Variants in MAGI3 observed in about 807,000 individuals in gnomAD.
MAGI3 encodes membrane-associated guanylate kinase, WW and PDZ domain-containing protein 3.
MAGI3 carries 43 observed loss-of-function variants against 121.8 expected under a neutral mutation model. The ratio of observed to expected loss-of-function variants is 0.35; its 90% CI spans 0.28 to 0.46. MAGI3 has a LOEUF of 0.46. Among genes scored for constraint, MAGI3 ranks in the 20% least tolerant of loss-of-function variants. MAGI3 has a pLI of 1.00. For synonymous variants in MAGI3, 553 were observed against 639.3 expected (o/e 0.86, Z 2.04); for missense variants, 1,547 against 1,797.3 (o/e 0.86, Z 2.52).
intron 1 of MAGI3, among the ~76,000 whole-genome samples, chr1:113,410,015 G>A (rs1043809854): frequency 6.6e-6 from 1 of 152,128 alleles, no homozygotes; most frequent in Non-Finnish European, 1.5e-5. Context: ...GAAGATGTTA[G>A]TGGTTCCTAG....
At chr1:113,550,144 C>G (rs996118231) in intron 2 of MAGI3, among the ~76,000 whole-genome samples, 4 of 148,682 alleles carry the variant, frequency 2.7e-5, no homozygotes, top group Non-Finnish European at 5.9e-5. Flanking sequence ...GGCGCGGTGG[C>G]TCACACCTGT....
At chr1:113,472,868 C>T (rs1655609296) in intron 1 of MAGI3, among the ~76,000 whole-genome samples, 1 of 152,140 alleles carries the variant, frequency 6.6e-6, no homozygotes, top group Admixed American at 6.5e-5. Context: ...TTGCTCCCAC[C>T]ACATTTTATG....
intron 9 of MAGI3, among the ~76,000 whole-genome samples, chr1:113,636,222 T>A (rs1193370102): frequency 6.6e-6 from 1 of 152,186 alleles, no homozygotes; most frequent in Non-Finnish European, 1.5e-5. Flanking sequence ...TGTGTCTCTA[T>A]TTCCTTCAGT....
At chr1:113,427,878 A>G (rs1653092864) in intron 1 of MAGI3, among the ~76,000 whole-genome samples, 1 of 152,088 alleles carries the variant, frequency 6.6e-6, no homozygotes, top group African/African-American at 2.4e-5. Context: ...AATGAATCAA[A>G]ATTGGCTCAC....
At chr1:113,510,439 A>G (rs1657559259) in intron 1 of MAGI3, among the ~76,000 whole-genome samples, 2 of 151,076 alleles carry the variant, frequency 1.3e-5, no homozygotes, top group South Asian at 4.2e-4. Flanking sequence ...AAATGTGCAC[A>G]TGATTCAAAG....
chr1:113,558,814 A>T (rs766175920), intron 2 of MAGI3, among the ~76,000 whole-genome samples: 2 of 152,178 alleles, frequency 1.3e-5, no homozygotes, highest in Non-Finnish European at 2.9e-5. Flanking sequence ...ACAGCCAGAG[A>T]GAAAGGCCAG....
At chr1:113,407,970 A>C (rs1311620282) in intron 1 of MAGI3, among the ~76,000 whole-genome samples, 1 of 152,124 alleles carries the variant, frequency 6.6e-6, no homozygotes, top group African/African-American at 2.4e-5. Context: ...ATGTTGTAGA[A>C]TTGGAACATT....
At chr1:113,594,646 C>T (rs1308606108) in intron 6 of MAGI3, 86 bp downstream of exon 6, 2 of 1,086,234 alleles carry the variant, frequency 1.8e-6, no homozygotes, top group African/African-American at 3.2e-5. Flanking sequence ...TTTTCAAAAC[C>T]CTAAACAAAC....
intron 1 of MAGI3, among the ~76,000 whole-genome samples, chr1:113,405,912 G>A (rs1029001068): frequency 1.3e-5 from 2 of 152,090 alleles, no homozygotes; most frequent in Non-Finnish European, 2.9e-5. Context: ...TATAAACCCA[G>A]AGTGGTATTC....
intron 1 of MAGI3, among the ~76,000 whole-genome samples, chr1:113,439,535 A>G (rs1653809818): frequency 1.3e-5 from 2 of 152,132 alleles, no homozygotes; most frequent in South Asian, 4.1e-4. Flanking sequence ...CATCTGATGT[A>G]TGCCTTTAAG....
intron 1 of MAGI3, among the ~76,000 whole-genome samples, chr1:113,420,707 T>C (rs1652692086): frequency 6.6e-6 from 1 of 152,212 alleles, no homozygotes; most frequent in Non-Finnish European, 1.5e-5. Flanking sequence ...ATAGCGTCCG[T>C]TCATCTGTGT....
At position 113,590,082 on chromosome 1, in the gene MAGI3, A is replaced by G. The variant is rs539539352; in HGVS notation, c.764-402A>G. Among the ~76,000 whole-genome samples, 32 of 152,178 alleles carry G rather than the reference A, an allele frequency of 2.1e-4. No individual in the cohort carries two copies. The South Asian group carries it at 6.2e-3, about 30-fold the overall frequency. On this transcript the variant is annotated intron_variant, in intron 4 of 20. Coordinates refer to ENST00000307546, the MANE Select transcript of MAGI3 (RefSeq NM_001142782.2). The stretch of plus-strand genomic sequence containing the variant: ...CTGTGCCTTAGTTTTCTCAGTCTAT[A>G]AAACAAGGAGATTAATAATAGATAC...
intron 2 of MAGI3, among the ~76,000 whole-genome samples, chr1:113,579,219 C>T (rs1647857926): frequency 6.6e-6 from 1 of 152,114 alleles, no homozygotes; most frequent in Non-Finnish European, 1.5e-5. Context: ...TGCATGTTGC[C>T]ATACCCTAGA....
intron 1 of MAGI3, among the ~76,000 whole-genome samples, chr1:113,524,292 G>A (rs568375866): frequency 6.1e-4 from 93 of 152,134 alleles, no homozygotes; most frequent in Admixed American, 8.5e-4. Context: ...GTGCTGCCTC[G>A]TGGAGATGTG....
intron 1 of MAGI3, among the ~76,000 whole-genome samples, chr1:113,525,003 T>C (rs540321359): frequency 9.2e-5 from 14 of 152,304 alleles, no homozygotes; most frequent in African/African-American, 3.4e-4. Context: ...CCGATGGTTT[T>C]ATAAAGGGGA....
intron 16 of MAGI3, among the ~76,000 whole-genome samples, chr1:113,666,618 A>T (rs1269344264): frequency 6.6e-6 from 1 of 152,200 alleles, no homozygotes; most frequent in Non-Finnish European, 1.5e-5. Context: ...ATCCATGGGA[A>T]CTAGAATCAA....
At chr1:113,558,245 A>G (rs889235026) in intron 2 of MAGI3, among the ~76,000 whole-genome samples, 4 of 152,244 alleles carry the variant, frequency 2.6e-5, no homozygotes, top group Admixed American at 1.3e-4. Context: ...GCTTTAGAAG[A>G]TGGTTAATAA....
chr1:113,616,030 T>A (rs1447413590), intron 7 of MAGI3, among the ~76,000 whole-genome samples: 1 of 152,194 alleles, frequency 6.6e-6, no homozygotes, highest in African/African-American at 2.4e-5. Flanking sequence ...TGATTCTCAT[T>A]CTCTTTATTA....
chr1:113,531,711 GGGGGGT>G (rs1658731031), intron 1 of MAGI3, among the ~76,000 whole-genome samples: 1 of 131,340 alleles, frequency 7.6e-6, no homozygotes, highest in Non-Finnish European at 1.6e-5. Flanking sequence ...GTGGTATTGC[GGGGGGT>G]GGGGGTCGGG....
Sources: gnomAD v4.1 joint callset for allele counts (sites outside exome capture counted in the v4.1 genomes callset) on GRCh38, gnomAD v4.1.1 for gene constraint, MANE v1.5 for transcripts, NCBI Gene and HGNC (gene_info 2026-07-23, HGNC 2026-07-21) for gene names.